Variants in EXTL2 observed in about 807,000 individuals in gnomAD.
EXTL2 encodes the protein exostosin-like 2.
EXTL2 carries 23 observed loss-of-function variants against 30.7 expected under a neutral mutation model. The observed-to-expected ratio is 0.75, with a 90% CI of 0.54 to 1.06. EXTL2 has a LOEUF of 1.06. Ranked by LOEUF, EXTL2 falls within the 50% of genes least tolerant of loss-of-function variation. EXTL2 has a pLI of 0.00. For missense variants in EXTL2, 352 were observed against 396.3 expected (o/e 0.89, Z 0.95); for synonymous variants, 123 against 133.8 (o/e 0.92, Z 0.56).
chr1:100,879,640 A>T (rs1397590243), intron 2 of EXTL2, among the ~76,000 whole-genome samples: 1 of 152,166 alleles, frequency 6.6e-6, no homozygotes, highest in Non-Finnish European at 1.5e-5. Context: ...CTATTGCTTA[A>T]TACTGACAGA....
At chr1:100,889,464 A>G (rs983909398) in intron 1 of EXTL2, among the ~76,000 whole-genome samples, 18 of 152,066 alleles carry the variant, frequency 1.2e-4, no homozygotes, top group Non-Finnish European at 2.5e-4. Context: ...TCAAAACACA[A>G]TCATGCCTTC....
chr1:100,887,766 G>A (rs1279945110), intron 2 of EXTL2, among the ~76,000 whole-genome samples: 1 of 151,778 alleles, frequency 6.6e-6, no homozygotes, highest in Admixed American at 6.6e-5. Flanking sequence ...GATAAGTGGC[G>A]CGATCCGGCT....
At chr1:100,883,350 C>T (rs1347303068) in intron 2 of EXTL2, among the ~76,000 whole-genome samples, 1 of 152,084 alleles carries the variant, frequency 6.6e-6, no homozygotes, top group Non-Finnish European at 1.5e-5. Flanking sequence ...CAGAAAGAAA[C>T]CCCAGACCCA....
At position 100,877,667 on chromosome 1, in the gene EXTL2, T is replaced by C; in HGVS notation, c.242A>G (p.Lys81Arg). The C allele has an allele frequency of 6.2e-7, 1 of 1,613,666 alleles. No homozygotes were observed. Among genetic ancestry groups the C allele is most frequent in the Non-Finnish European group, 8.5e-7 (1 of 1,179,718 alleles). Residue 81 changes from lysine to arginine, a missense_variant, in exon 3 of 5, where the codon AAA (lysine) becomes AGA (arginine). Coordinates refer to ENST00000370114, the MANE Select transcript of EXTL2 (RefSeq NM_001033025.3). The surrounding 1 kb of genome is among the most constrained non-coding windows in gnomAD (Gnocchi z 4.1). ...QTYNRTDLLL[K>R]LLNHYQAVPN... Reference sequence around the variant, plus strand: ...TACAGCCTGATAATGATTTAAAAGTTTCAATAAGAGATCTGTTCTGTTGTA... The same window carrying C: ...TACAGCCTGATAATGATTTAAAAGTCTCAATAAGAGATCTGTTCTGTTGTA...
intron 2 of EXTL2, among the ~76,000 whole-genome samples, chr1:100,880,539 T>C (rs932023347): frequency 2.0e-5 from 3 of 152,198 alleles, no homozygotes; most frequent in African/African-American, 7.2e-5. Context: ...AAAGCTTTAG[T>C]GTACCATGTT....
chr1:100,877,825 T>C lies in EXTL2; in HGVS notation c.84A>G (p.Val28=), dbSNP rs892689257. The change falls in exon 3 of 5, where the codon GTA becomes GTG. Residue 28 remains valine, a synonymous_variant. Coordinates refer to ENST00000370114, the MANE Select transcript of EXTL2 (RefSeq NM_001033025.3). This position sits in a 1 kb window ranked among gnomAD's most constrained non-coding sequence, Gnocchi z 4.1. ...TCAAAGCACCAGCTACCAGTAATAATACGAGGATGACCACCAAAGATAATC... is the reference window on the plus strand; with the variant it reads ...TCAAAGCACCAGCTACCAGTAATAACACGAGGATGACCACCAAAGATAATC... The part of the protein sequence containing the change: ...VLRLSLVVIL[V]LLLVAGALTA... The C allele has an allele frequency of 1.2e-6, 2 of 1,604,050 alleles. No homozygotes were observed. Among genetic ancestry groups the C allele is most frequent in the Non-Finnish European group, 1.7e-6 (2 of 1,179,564 alleles).
At chr1:100,876,050 G>A (rs1271254549) in intron 4 of EXTL2, among the ~76,000 whole-genome samples, 1 of 152,078 alleles carries the variant, frequency 6.6e-6, no homozygotes, top group Non-Finnish European at 1.5e-5. Context: ...ATCGAATGCT[G>A]TTATATCCCA....
intron 2 of EXTL2, among the ~76,000 whole-genome samples, chr1:100,886,985 G>T (rs1650020720): frequency 6.6e-6 from 1 of 152,172 alleles, no homozygotes; most frequent in African/African-American, 2.4e-5. Context: ...AGGATCCAAG[G>T]AGTCAACGCA....
At chr1:100,879,936 G>C (rs372738586) in intron 2 of EXTL2, among the ~76,000 whole-genome samples, 1 of 152,094 alleles carries the variant, frequency 6.6e-6, no homozygotes, top group African/African-American at 2.4e-5. Flanking sequence ...GAATAGAATA[G>C]TTTTGGAATA....
Position 100,874,337 on chromosome 1 carries a change from G to C in EXTL2, c.598C>G (p.Pro200Ala). 6.2e-7 allele frequency: 1 copy of C among 1,612,846 alleles called. No individual in the cohort carries two copies. The highest frequency in any genetic ancestry group is 8.5e-7 in the Non-Finnish European group (1 of 1,179,358). Residue 200 changes from proline (P) to alanine (A), a missense_variant, in exon 5 of 5, where the codon CCA (proline) becomes GCA (alanine). Transcript: ENST00000370114. ...YSYGSFEMQA[P>A]GSGNGDQYSM... ...TACTGGTCACCATTTCCAGACCCTGGTGCTTGCATTTCAAAACTTCCATAA... is the reference window on the plus strand; with the variant it reads ...TACTGGTCACCATTTCCAGACCCTGCTGCTTGCATTTCAAAACTTCCATAA...
Position 100,874,386 on chromosome 1 carries a change from G to T in EXTL2, c.549C>A (p.Val183=). 1 of 1,608,144 alleles carries T rather than the reference G, an allele frequency of 6.2e-7. No individual in the cohort carries two copies. The highest frequency in any genetic ancestry group is 8.5e-7 in the Non-Finnish European group (1 of 1,177,216). The part of the protein sequence containing the change: ...QIVGFVPRKH[V]STSSGIYSYG... ...AACTGTAGATACCTGATGAAGTAGA[G>T]ACGTGCTTTCTAGGAACAAATCCTA... The change falls in exon 5 of 5, where the codon GTC becomes GTA. Residue 183 remains valine (V), a synonymous_variant. Coordinates refer to ENST00000370114, the MANE Select transcript of EXTL2 (RefSeq NM_001033025.3).
Position 100,873,998 on chromosome 1 carries a change from T to G in EXTL2, c.937A>C (p.Asn313His). 2 of 1,598,178 alleles carry G rather than the reference T, an allele frequency of 1.3e-6. No homozygotes were observed. Among genetic ancestry groups the G allele is most frequent in the Non-Finnish European group, 1.7e-6 (2 of 1,175,018 alleles). The change falls in exon 5 of 5, where the codon AAC becomes CAC. Residue 313 changes from asparagine (N) to histidine (H), a missense_variant. Coordinates refer to ENST00000370114, the MANE Select transcript of EXTL2 (RefSeq NM_001033025.3). ...IYDSMPLRYS[N>H]IMISQFGFPY... is the part of the protein sequence containing the mutation. ...AAACCAAACTGGGAAATCATAATGT[T>G]GGAGTATCTTAAGGGCATGCTATCA...
Position 100,888,733 on chromosome 1 carries a change from C to CA in EXTL2, c.5+19dup. The CA allele has an allele frequency of 2.0e-6, 3 of 1,464,102 alleles. No individual in the cohort carries two copies. The highest frequency in any genetic ancestry group is 2.8e-6 in the Non-Finnish European group (3 of 1,058,008). 90.7% of individuals were successfully genotyped at this position (1,464,102 alleles called of 1,614,324 possible). A position where few individuals can be genotyped will look rare whatever the true frequency, so the allele number is the denominator to read the frequency against. On this transcript the variant is annotated intron_variant, in intron 2 of 4. Transcript: ENST00000370114. ...TATTTTACAACAGTTAAACAAAAGC[C>CA]AAAAAATATTGGTACTTACCTCATT... is the stretch of plus-strand genomic sequence containing the variant.
At position 100,874,440 on chromosome 1, in the gene EXTL2, G is replaced by A. The variant is rs1648944507; in HGVS notation, c.505-10C>T. On this transcript the variant is annotated splice_polypyrimidine_tract_variant and intron_variant, in intron 4 of 4. Transcript: ENST00000370114. ...TTTGATCAGGAAATTGCTGAAAAGA[G>A]GGAAAAAGAACAATAAAATGTCACA... is the stretch of plus-strand genomic sequence containing the variant. The A allele has an allele frequency of 1.0e-5, 16 of 1,562,566 alleles. No individual in the cohort carries two copies. Among genetic ancestry groups the A allele is most frequent in the Non-Finnish European group, 1.3e-5 (15 of 1,154,480 alleles).
intron 2 of EXTL2, among the ~76,000 whole-genome samples, chr1:100,887,250 G>T (rs913232513): frequency 1.3e-5 from 2 of 152,234 alleles, no homozygotes; most frequent in East Asian, 1.9e-4. Context: ...AATCACTTCT[G>T]TAAGAGAAAT....
In EXTL2 at chr1:100,872,828, A is replaced by G. The variant is rs1648800644; in HGVS notation, c.*1114T>C. 6.6e-6 allele frequency: 1 copy of G among 152,056 alleles called. No individual in the cohort carries two copies. The highest frequency in any genetic ancestry group is 2.4e-5 in the African/African-American group (1 of 41,434). 9.4% of individuals were successfully genotyped at this position (152,056 alleles called of 1,614,324 possible). On this transcript the variant is annotated 3_prime_UTR_variant, in exon 5 of 5. Coordinates refer to ENST00000370114, the MANE Select transcript of EXTL2 (RefSeq NM_001033025.3). ...TGAAACACAGACGCTAATTCACATAACAGAGAGTAGGCAACCTTAAGAATG... is the reference window on the plus strand; with the variant it reads ...TGAAACACAGACGCTAATTCACATAGCAGAGAGTAGGCAACCTTAAGAATG...
chr1:100,873,868 T>TA lies in EXTL2; in HGVS notation c.*73dup, dbSNP rs912110177. On this transcript the variant is annotated 3_prime_UTR_variant, in exon 5 of 5. Transcript: ENST00000370114. ...AGTAGATAAAATTCATGATGTTGCT[T>TA]AAAAAAATACATAGCATGGAGAAGC... 4 of 1,450,450 alleles carry TA rather than the reference T, an allele frequency of 2.8e-6. No homozygotes were observed. Among genetic ancestry groups the TA allele is most frequent in the South Asian group, 1.4e-5 (1 of 69,000 alleles). The allele number at this position is 1,450,450 out of a possible 1,614,324, so 89.8% of individuals were successfully genotyped here.
In EXTL2 at chr1:100,877,792, T is replaced by C; in HGVS notation, c.117A>G (p.Leu39=). The C allele has an allele frequency of 6.2e-7, 1 of 1,610,674 alleles. No homozygotes were observed. Among genetic ancestry groups the C allele is most frequent in the East Asian group, 2.2e-5 (1 of 44,850 alleles). Residue 39 remains leucine (L), a synonymous_variant, in exon 3 of 5, where the codon TTA becomes TTG. Coordinates refer to ENST00000370114, the MANE Select transcript of EXTL2 (RefSeq NM_001033025.3). The surrounding 1 kb of genome is among the most constrained non-coding windows in gnomAD (Gnocchi z 4.1). Reference sequence around the variant, plus strand: ...TCTTGTCTTCTTTAACACTGGGAAGTAAGGCAGTCAAAGCACCAGCTACCA... The same window carrying C: ...TCTTGTCTTCTTTAACACTGGGAAGCAAGGCAGTCAAAGCACCAGCTACCA... ...LLLVAGALTA[L]LPSVKEDKML... is the part of the protein sequence containing the mutation.
intron 2 of EXTL2, among the ~76,000 whole-genome samples, chr1:100,884,111 C>G (rs1428174930): frequency 6.6e-6 from 1 of 152,136 alleles, no homozygotes; most frequent in Non-Finnish European, 1.5e-5. Flanking sequence ...ACAAACATGC[C>G]AGTGCACAGC....
Sources: gnomAD v4.1 joint callset for allele counts (sites outside exome capture counted in the v4.1 genomes callset) on GRCh38, gnomAD v4.1.1 for gene constraint, Gnocchi (gnomAD v3.1) non-coding constraint, MANE v1.5 for transcripts, NCBI Gene and HGNC (gene_info 2026-07-23, HGNC 2026-07-21) for gene names.